ATF6: variants seen among roughly 807,000 people sequenced by gnomAD.
ATF6 encodes the protein cyclic AMP-dependent transcription factor ATF-6 alpha.
ATF6 carries 53 observed loss-of-function variants against 83.6 expected under a neutral mutation model. That is an observed-to-expected ratio of 0.63 (90% CI 0.51 to 0.80). The LOEUF (loss-of-function observed/expected upper bound fraction) is 0.80, where lower values mean the gene tolerates loss of function less well. Among genes scored for constraint, ATF6 ranks in the 30% least tolerant of loss-of-function variants. ATF6 has a pLI of 0.00. For missense variants in ATF6, 744 were observed against 797.9 expected (o/e 0.93, Z 0.81); for synonymous variants, 288 against 285.8 (o/e 1.01, Z -0.08).
intron 14 of ATF6, among the ~76,000 whole-genome samples, chr1:161,888,089 C>A (rs75612926): frequency 6.6e-6 from 1 of 152,146 alleles, no homozygotes; most frequent in Non-Finnish European, 1.5e-5. Context: ...GGAAACATTA[C>A]GAATAAATAA....
intron 9 of ATF6, among the ~76,000 whole-genome samples, chr1:161,838,905 T>C (rs1327843055): frequency 6.6e-6 from 1 of 152,198 alleles, no homozygotes; most frequent in Admixed American, 6.5e-5. Context: ...CAGTTACTAC[T>C]AGGCTGCAAA....
intron 2 of ATF6, among the ~76,000 whole-genome samples, chr1:161,779,585 G>GT (rs1283993683): frequency 6.6e-6 from 1 of 152,148 alleles, no homozygotes; most frequent in Non-Finnish European, 1.5e-5. Context: ...GCTGTAGAAG[G>GT]TATTTGACTT....
chr1:161,897,492 C>T (rs2101876166), intron 14 of ATF6, among the ~76,000 whole-genome samples: 1 of 152,246 alleles, frequency 6.6e-6, no homozygotes, highest in African/African-American at 2.4e-5. Flanking sequence ...CACCTTCTAA[C>T]CTTCAGCACC....
intron 15 of ATF6, among the ~76,000 whole-genome samples, chr1:161,937,690 T>G (rs1252419948): frequency 7.2e-6 from 1 of 139,144 alleles, no homozygotes; most frequent in Non-Finnish European, 1.5e-5. Context: ...AGTTGAACAA[T>G]GAGAACACAC....
intron 9 of ATF6, among the ~76,000 whole-genome samples, chr1:161,828,739 TA>T (rs1685968022): frequency 6.6e-6 from 1 of 152,194 alleles, no homozygotes; most frequent in Non-Finnish European, 1.5e-5. Context: ...TTTATACTAC[TA>T]GTGTGATCCC....
At chr1:161,933,871 C>T (rs1232967528) in intron 15 of ATF6, among the ~76,000 whole-genome samples, 1 of 152,206 alleles carries the variant, frequency 6.6e-6, no homozygotes, top group Non-Finnish European at 1.5e-5. Context: ...TTTCCATCTT[C>T]CTGAAAACCT....
chr1:161,779,227 G>T (rs1684584115), intron 2 of ATF6, among the ~76,000 whole-genome samples: 1 of 152,174 alleles, frequency 6.6e-6, no homozygotes. Context: ...ATTTGAATAA[G>T]CAACTGATAC....
intron 14 of ATF6, among the ~76,000 whole-genome samples, chr1:161,903,710 A>C (rs1367071710): frequency 6.6e-6 from 1 of 152,172 alleles, no homozygotes; most frequent in Non-Finnish European, 1.5e-5. Flanking sequence ...TATTTTACTA[A>C]AGAGAAAATG....
At chr1:161,882,270 A>G (rs1687337523) in intron 14 of ATF6, among the ~76,000 whole-genome samples, 1 of 152,106 alleles carries the variant, frequency 6.6e-6, no homozygotes, top group East Asian at 1.9e-4. Flanking sequence ...AATTATAACA[A>G]AAGTGTAATG....
chr1:161,935,311 T>C (rs550139048), intron 15 of ATF6, among the ~76,000 whole-genome samples: 1 of 152,320 alleles, frequency 6.6e-6, no homozygotes, highest in Admixed American at 6.5e-5. Context: ...TACTGTGATA[T>C]GGAGCCTTTG....
chr1:161,933,862 T>G (rs17416920), intron 15 of ATF6, among the ~76,000 whole-genome samples: 1,977 of 152,338 alleles, frequency 0.013, 15 homozygotes, highest in South Asian at 0.018. Context: ...CTCAGGGCTT[T>G]TCCATCTTCC....
intron 15 of ATF6, among the ~76,000 whole-genome samples, chr1:161,945,686 T>C (rs1038756899): frequency 2.8e-4 from 42 of 152,342 alleles, no homozygotes; most frequent in African/African-American, 9.9e-4. Context: ...TTTCCTGTAA[T>C]TTTTCATATC....
chr1:161,920,290 C>CTG (rs1571237665), intron 15 of ATF6, among the ~76,000 whole-genome samples: 2 of 25,156 alleles, frequency 8.0e-5, no homozygotes, highest in Non-Finnish European at 1.5e-4. Flanking sequence ...CTCTCTCTCT[C>CTG]TCTCTTTTTT....
chr1:161,932,089 A>G (rs1362892945), intron 15 of ATF6, among the ~76,000 whole-genome samples: 2 of 152,212 alleles, frequency 1.3e-5, no homozygotes, highest in Non-Finnish European at 2.9e-5. Flanking sequence ...CAACCCTAAA[A>G]TATAGGGTTG....
chr1:161,793,538 C>G (rs1178854170), intron 6 of ATF6, among the ~76,000 whole-genome samples: 1 of 152,166 alleles, frequency 6.6e-6, no homozygotes, highest in Non-Finnish European at 1.5e-5. Flanking sequence ...GGGATAGTCT[C>G]CAAAACTTTC....
intron 9 of ATF6, among the ~76,000 whole-genome samples, chr1:161,844,270 A>G (rs1163514439): frequency 1.3e-5 from 2 of 152,184 alleles, no homozygotes; most frequent in Non-Finnish European, 2.9e-5. Flanking sequence ...ACTTCAGACT[A>G]TGCTGTAAAG....
chr1:161,790,236 A>G (rs1164346844), intron 4 of ATF6, among the ~76,000 whole-genome samples: 1 of 152,110 alleles, frequency 6.6e-6, no homozygotes, highest in African/African-American at 2.4e-5. Context: ...CTGACTTAAG[A>G]GGGTCTGCAA....
chr1:161,887,505 C>T (rs3820489), intron 14 of ATF6, among the ~76,000 whole-genome samples: 14,783 of 152,204 alleles, frequency 0.097, 1,288 homozygotes, highest in East Asian at 0.32. Context: ...ATTGTTATCA[C>T]CCATCAGAGC....
chr1:161,856,509 T>C (rs1686766108), intron 12 of ATF6, among the ~76,000 whole-genome samples: 1 of 152,212 alleles, frequency 6.6e-6, no homozygotes, highest in Non-Finnish European at 1.5e-5. Context: ...GCTTTCCACA[T>C]CTGAAGCAAG....
Sources: gnomAD v4.1 joint callset for allele counts (sites outside exome capture counted in the v4.1 genomes callset) on GRCh38, gnomAD v4.1.1 for gene constraint, MANE v1.5 for transcripts, NCBI Gene and HGNC (gene_info 2026-07-23, HGNC 2026-07-21) for gene names.